CDH18: variants seen among roughly 807,000 people sequenced by gnomAD.
CDH18 encodes cadherin 18.
A neutral mutation model predicts 67.9 loss-of-function variants in CDH18; 31 were observed. The observed-to-expected ratio is 0.46, with a 90% CI of 0.34 to 0.62. The LOEUF is 0.62. Ranked by LOEUF, CDH18 falls within the 20% of genes least tolerant of loss-of-function variation. CDH18 has a pLI of 0.01. For missense variants in CDH18, 890 were observed against 975.5 expected (o/e 0.91, Z 1.17); for synonymous variants, 362 against 347.2 (o/e 1.04, Z -0.48).
At chr5:19,554,080 G>C (rs933195735) in intron 8 of CDH18, among the ~76,000 whole-genome samples, 1 of 152,084 alleles carries the variant, frequency 6.6e-6, no homozygotes, top group African/African-American at 2.4e-5. Context: ...CTAAAAAAAA[G>C]AAGGTATAAT....
chr5:20,410,749 A>G (rs747331026), intron 1 of CDH18, among the ~76,000 whole-genome samples: 15 of 151,898 alleles, frequency 9.9e-5, no homozygotes, highest in Non-Finnish European at 1.8e-4. Flanking sequence ...TTATATGTAG[A>G]AACGTTAAAG....
intron 1 of CDH18, among the ~76,000 whole-genome samples, chr5:20,517,425 G>A (rs1323058269): frequency 4.0e-5 from 6 of 151,448 alleles, no homozygotes; most frequent in Admixed American, 2.0e-4. Context: ...ATTTTAGATA[G>A]GATATTAATA....
chr5:20,194,174 GCTGT>G (rs903219020), intron 2 of CDH18, among the ~76,000 whole-genome samples: 1 of 152,058 alleles, frequency 6.6e-6, no homozygotes, highest in African/African-American at 2.4e-5. Flanking sequence ...AGGAAGTCAA[GCTGT>G]CTCTTTTTAC....
At position 20,195,631 on chromosome 5, in the gene CDH18, T is replaced by C. The variant is rs548502561; in HGVS notation, c.-518+59813A>G. On this transcript the variant is annotated intron_variant, in intron 2 of 14. Transcript: ENST00000507958. The stretch of plus-strand genomic sequence containing the variant: ...TTTAGTAGGTTGTAGTCAATAAATA[T>C]GCTATCCTTAAGAAAATTTATGTTT... Among the ~76,000 whole-genome samples the C allele has an allele frequency of 3.3e-5, 5 of 152,180 alleles. No homozygotes were observed. The South Asian group carries it at 6.2e-4, about 19-fold the overall frequency.
At chr5:20,538,487 T>C (rs536180932) in intron 1 of CDH18, among the ~76,000 whole-genome samples, 1 of 152,254 alleles carries the variant, frequency 6.6e-6, no homozygotes, top group South Asian at 2.1e-4. Context: ...AATGAAGGAA[T>C]AACAAGCTGC....
At chr5:19,583,912 CTTAAG>C (rs1743682524) in intron 7 of CDH18, among the ~76,000 whole-genome samples, 1 of 152,052 alleles carries the variant, frequency 6.6e-6, no homozygotes, top group Non-Finnish European at 1.5e-5. Flanking sequence ...AATTTTTTGG[CTTAAG>C]TTAATTTGCA....
At chr5:19,636,909 A>G (rs1753230242) in intron 5 of CDH18, among the ~76,000 whole-genome samples, 1 of 152,160 alleles carries the variant, frequency 6.6e-6, no homozygotes, top group South Asian at 2.1e-4. Context: ...TTATTTACAT[A>G]ACAATGGATT....
chr5:19,865,466 A>G (rs1785384558), intron 2 of CDH18, among the ~76,000 whole-genome samples: 1 of 152,108 alleles, frequency 6.6e-6, no homozygotes, highest in Non-Finnish European at 1.5e-5. Context: ...TTAAATAGTC[A>G]TTTCAGTATT....
chr5:19,703,071 C>G (rs942838102), intron 5 of CDH18, among the ~76,000 whole-genome samples: 1 of 152,002 alleles, frequency 6.6e-6, no homozygotes, highest in Admixed American at 6.6e-5. Flanking sequence ...GTTCATGGCT[C>G]TCAGCTCTGA....
At chr5:20,265,229 G>A (rs1245114902) in intron 1 of CDH18, among the ~76,000 whole-genome samples, 1 of 151,886 alleles carries the variant, frequency 6.6e-6, no homozygotes, top group East Asian at 1.9e-4. Context: ...TCTCTGAAAA[G>A]ACAAACTTTT....
At chr5:19,991,169 T>C (rs1799958816), upstream of CDH18, among the ~76,000 whole-genome samples, 1 of 152,148 alleles carries the variant, frequency 6.6e-6, no homozygotes, top group African/African-American at 2.4e-5. Flanking sequence ...TCATGCTTAA[T>C]TTTACCCTGA....
chr5:20,456,918 G>A (rs377160358), intron 1 of CDH18, among the ~76,000 whole-genome samples: 4 of 152,082 alleles, frequency 2.6e-5, no homozygotes, highest in East Asian at 1.9e-4. Context: ...CAAGAATGTC[G>A]GGTTGACATT....
intron 5 of CDH18, among the ~76,000 whole-genome samples, chr5:19,659,140 C>T (rs143548078): frequency 1.0e-3 from 155 of 152,086 alleles, no homozygotes; most frequent in East Asian, 2.9e-3. Context: ...AATATATTAA[C>T]CTCTGTATTT....
chr5:20,427,451 A>G (rs1461250293), intron 1 of CDH18, among the ~76,000 whole-genome samples: 1 of 151,346 alleles, frequency 6.6e-6, no homozygotes, highest in Non-Finnish European at 1.5e-5. Flanking sequence ...ATTGAAACAT[A>G]TATGATACAT....
chr5:19,585,009 T>C (rs1743939456), intron 7 of CDH18, among the ~76,000 whole-genome samples: 1 of 146,356 alleles, frequency 6.8e-6, no homozygotes, highest in African/African-American at 2.5e-5. Context: ...AAAAAAAAAT[T>C]CAAGGAAAAA....
chr5:19,899,687 A>C (rs2150108616), intron 2 of CDH18, among the ~76,000 whole-genome samples: 1 of 152,312 alleles, frequency 6.6e-6, no homozygotes, highest in African/African-American at 2.4e-5. Flanking sequence ...CCAATATGTG[A>C]AAACAACCTG....
At chr5:20,223,798 T>G (rs1322102509) in intron 2 of CDH18, among the ~76,000 whole-genome samples, 1 of 152,122 alleles carries the variant, frequency 6.6e-6, no homozygotes, top group Admixed American at 6.6e-5. Flanking sequence ...ACTTGTGTTC[T>G]CTCTTGCCTG....
At chr5:20,205,668 C>A (rs1739824421) in intron 2 of CDH18, among the ~76,000 whole-genome samples, 1 of 151,776 alleles carries the variant, frequency 6.6e-6, no homozygotes, top group Admixed American at 6.6e-5. Flanking sequence ...ATAATATTTT[C>A]TGACAACAAT....
chr5:20,277,305 G>C (rs1294044798), intron 1 of CDH18, among the ~76,000 whole-genome samples: 1 of 152,086 alleles, frequency 6.6e-6, no homozygotes, highest in African/African-American at 2.4e-5. Context: ...ACTCAGCACA[G>C]AGAGAGAGAC....
Sources: gnomAD v4.1 joint callset for allele counts (sites outside exome capture counted in the v4.1 genomes callset) on GRCh38, gnomAD v4.1.1 for gene constraint, MANE v1.5 for transcripts, NCBI Gene and HGNC (gene_info 2026-07-23, HGNC 2026-07-21) for gene names.